LHFPL2: variants seen among roughly 807,000 people sequenced by gnomAD.
The protein encoded by LHFPL2 is LHFPL tetraspan subfamily member 2, also known as LHFPL tetraspan subfamily member 2 protein.
In LHFPL2, 7 loss-of-function variants were observed where a neutral mutation model predicts 17.5. That is an observed-to-expected ratio of 0.40 (90% CI 0.23 to 0.75). The LOEUF (loss-of-function observed/expected upper bound fraction) is 0.75, where lower values mean the gene tolerates loss of function less well. Ranked by LOEUF, LHFPL2 falls within the 30% of genes least tolerant of loss-of-function variation. The pLI, the probability that LHFPL2 is intolerant of heterozygous loss-of-function variation, is 0.37. For synonymous variants in LHFPL2, 134 were observed against 116.2 expected, an observed-to-expected ratio of 1.15 and a Z score of -0.99; for missense variants, 241 against 294.8, an observed-to-expected ratio of 0.82 and a Z score of 1.34.
At chr5:78,627,089 C>CAAAG (rs71001116) in intron 2 of LHFPL2, among the ~76,000 whole-genome samples, 62,113 of 151,484 alleles carry the variant, frequency 0.41, 14,260 homozygotes, top group African/African-American at 0.64. Context: ...TTCAAAAAAA[C>CAAAG]AACAACAACA....
intron 2 of LHFPL2, among the ~76,000 whole-genome samples, chr5:78,607,063 C>A (rs1027432148): frequency 6.6e-6 from 1 of 152,132 alleles, no homozygotes; most frequent in East Asian, 1.9e-4. Context: ...CAACATGGTC[C>A]ATCACAGTCT....
chr5:78,494,276 TG>T (rs889147775), intron 4 of LHFPL2: 8 of 736,990 alleles, frequency 1.1e-5, no homozygotes, highest in African/African-American at 1.9e-5. Flanking sequence ...GAAGAAGAAA[TG>T]GGGGGGAGAA....
intron 3 of LHFPL2, among the ~76,000 whole-genome samples, chr5:78,515,137 T>C (rs1755252975): frequency 6.6e-6 from 1 of 152,218 alleles, no homozygotes. Context: ...GCCTAGTTCC[T>C]ACTCAAATTT....
chr5:78,507,990 C>A (rs537347179), intron 4 of LHFPL2, among the ~76,000 whole-genome samples: 89 of 151,718 alleles, frequency 5.9e-4, no homozygotes, highest in African/African-American at 1.6e-3. Flanking sequence ...CCCTGAGGCA[C>A]CGTGTGTCCA....
intron 2 of LHFPL2, among the ~76,000 whole-genome samples, chr5:78,621,132 T>A (rs1395271408): frequency 6.6e-6 from 1 of 152,046 alleles, no homozygotes; most frequent in Non-Finnish European, 1.5e-5. Flanking sequence ...TAATTTAGAA[T>A]CCCCAATCTC....
chr5:78,501,507 G>C (rs892940024), intron 4 of LHFPL2, among the ~76,000 whole-genome samples: 2 of 152,190 alleles, frequency 1.3e-5, no homozygotes, highest in African/African-American at 4.8e-5. Context: ...TTTATTTACT[G>C]TGCAAGTATC....
intron 3 of LHFPL2, among the ~76,000 whole-genome samples, chr5:78,552,200 C>A (rs1756463684): frequency 6.7e-6 from 1 of 149,490 alleles, no homozygotes; most frequent in South Asian, 2.1e-4. Context: ...GTGGCGCGAT[C>A]TTGGTTCACT....
At chr5:78,549,655 T>G (rs1756382987) in intron 3 of LHFPL2, among the ~76,000 whole-genome samples, 1 of 152,172 alleles carries the variant, frequency 6.6e-6, no homozygotes, top group Non-Finnish European at 1.5e-5. Flanking sequence ...AGGAGTAAGT[T>G]TATAGAGGCG....
chr5:78,497,418 C>T (rs1005498105), intron 4 of LHFPL2, among the ~76,000 whole-genome samples: 2 of 152,204 alleles, frequency 1.3e-5, no homozygotes, highest in African/African-American at 4.8e-5. Flanking sequence ...CCCTACTGCA[C>T]ACTACCTTTT....
intron 2 of LHFPL2, among the ~76,000 whole-genome samples, chr5:78,565,746 G>A (rs1194259525): frequency 6.6e-6 from 1 of 152,188 alleles, no homozygotes; most frequent in African/African-American, 2.4e-5. Flanking sequence ...CAATACCATA[G>A]GATCCAGGGT....
In LHFPL2 at chr5:78,648,440, G is replaced by C. The variant is rs1055765985; in HGVS notation, c.-350+59C>G. ...TGCGCCCGCGCGGGGCGCCCACCTG[G>C]CCGGGCCCACCGGCTCTCCCCTCCC... On this transcript the variant is annotated intron_variant, in intron 1 of 4. Coordinates refer to ENST00000380345, the MANE Select transcript of LHFPL2 (RefSeq NM_005779.3). The surrounding 1 kb of genome is among the most constrained non-coding windows in gnomAD (Gnocchi z 5.4). The C allele has an allele frequency of 6.6e-6, 1 of 151,720 alleles. No homozygotes were observed. The highest frequency in any genetic ancestry group is 2.4e-5 in the African/African-American group (1 of 41,356). The allele number at this position is 151,720 out of a possible 1,614,324, so 9.4% of individuals were successfully genotyped here.
At chr5:78,541,614 C>T (rs1756116651) in intron 3 of LHFPL2, among the ~76,000 whole-genome samples, 2 of 152,304 alleles carry the variant, frequency 1.3e-5, no homozygotes, top group South Asian at 2.1e-4. Flanking sequence ...TAAACTCTTG[C>T]AGTGAGGTGT....
intron 3 of LHFPL2, among the ~76,000 whole-genome samples, chr5:78,544,076 C>G (rs1756194695): frequency 6.6e-6 from 1 of 152,184 alleles, no homozygotes; most frequent in Non-Finnish European, 1.5e-5. Flanking sequence ...CACTGACCAC[C>G]CACCAGTGCC....
chr5:78,579,311 G>T (rs572727413), intron 2 of LHFPL2, among the ~76,000 whole-genome samples: 44 of 148,282 alleles, frequency 3.0e-4, no homozygotes, highest in African/African-American at 1.0e-3. Flanking sequence ...TGCTCGCAAG[G>T]TTTTTTTTTT....
chr5:78,612,944 C>T (rs904979890), intron 2 of LHFPL2, among the ~76,000 whole-genome samples: 1 of 152,230 alleles, frequency 6.6e-6, no homozygotes, highest in African/African-American at 2.4e-5. Flanking sequence ...TCCAGCCTCA[C>T]CTCCCCACCC....
rs770368341 is a variant in LHFPL2, at chr5:78,569,374, G to C, written c.-244-4503C>G. Among the ~76,000 whole-genome samples, 6 of 152,176 alleles carry C rather than the reference G, an allele frequency of 3.9e-5. No individual in the cohort carries two copies. The South Asian group carries it at 6.2e-4, about 16-fold the overall frequency. On this transcript the variant is annotated intron_variant, in intron 2 of 4. Coordinates refer to ENST00000380345, the MANE Select transcript of LHFPL2 (RefSeq NM_005779.3). ...ACTGATACAACAAATGCTCGAGGAA[G>C]TCTGTCCACATTTTAAGGGGAGTCT...
At chr5:78,628,346 C>A (rs1333191509) in intron 2 of LHFPL2, among the ~76,000 whole-genome samples, 1 of 152,186 alleles carries the variant, frequency 6.6e-6, no homozygotes, top group Non-Finnish European at 1.5e-5. Flanking sequence ...GGATATGAGA[C>A]CCTGAACACC....
intron 3 of LHFPL2, among the ~76,000 whole-genome samples, chr5:78,532,439 G>A (rs1177151783): frequency 1.3e-5 from 2 of 152,046 alleles, no homozygotes; most frequent in Non-Finnish European, 2.9e-5. Context: ...TACAGCCATG[G>A]GGGACTTAGG....
At chr5:78,546,210 T>C (rs2112384523) in intron 3 of LHFPL2, among the ~76,000 whole-genome samples, 1 of 152,380 alleles carries the variant, frequency 6.6e-6, no homozygotes, top group Non-Finnish European at 1.5e-5. Context: ...TTCTCTTTTC[T>C]ACGATAAAGA....
Sources: allele counts gnomAD v4.1 joint callset (sites outside exome capture counted in the v4.1 genomes callset), GRCh38; gene constraint gnomAD v4.1.1; non-coding constraint Gnocchi (gnomAD v3.1); transcripts MANE v1.5; gene names NCBI Gene and HGNC (gene_info 2026-07-23, HGNC 2026-07-21).